SIPA1L1: variants seen among roughly 807,000 people sequenced by gnomAD.
SIPA1L1 encodes the protein signal-induced proliferation-associated 1-like protein 1.
SIPA1L1 carries 26 observed loss-of-function variants against 162.7 expected under a neutral mutation model. The ratio of observed to expected loss-of-function variants is 0.16; its 90% CI spans 0.12 to 0.22. The LOEUF is 0.22. Among genes scored for constraint, SIPA1L1 ranks in the 10% least tolerant of loss-of-function variants. The pLI, the probability that SIPA1L1 is intolerant of heterozygous loss-of-function variation, is 1.00. For synonymous variants in SIPA1L1, 829 were observed against 837.4 expected (o/e 0.99, Z 0.17); for missense variants, 1,874 against 2,241.0 (o/e 0.84, Z 3.31).
At position 71,357,052 on chromosome 14, in the gene SIPA1L1, T is replaced by A. The variant is rs182274825; in HGVS notation, c.-465+35871T>A. On this transcript the variant is annotated intron_variant, in intron 2 of 23. Coordinates refer to ENST00000381232, the MANE Select transcript of SIPA1L1 (RefSeq NM_001386936.1). Reference sequence around the variant, plus strand: ...ACAAATCATGACATTATTATAATTTTAAAAAAATTTTATGTGTTAGAGACA... The same window carrying A: ...ACAAATCATGACATTATTATAATTTAAAAAAAATTTTATGTGTTAGAGACA... 5.1e-3 allele frequency among the ~76,000 whole-genome samples: 774 copies of A among 152,218 alleles called. 5 individuals carry two copies. Among genetic ancestry groups the A allele is most frequent in the African/African-American group, 0.018 (740 of 41,536 alleles).
intron 17 of SIPA1L1, among the ~76,000 whole-genome samples, chr14:71,711,844 C>A (rs367561183): frequency 6.6e-6 from 1 of 152,210 alleles, no homozygotes; most frequent in African/African-American, 2.4e-5. Flanking sequence ...GTCAAACTTA[C>A]TAGAGAAGAG....
rs2052800897 is a variant in SIPA1L1 at position 71,525,743 on chromosome 14, G to A, written c.-361-3569G>A. Reference sequence around the variant, plus strand: ...CTTCATCAGTCTTTTAAGAGCCTTAGTAAGCTTTTAAATTGTCGTTATTTT... The same window carrying A: ...CTTCATCAGTCTTTTAAGAGCCTTAATAAGCTTTTAAATTGTCGTTATTTT... On this transcript the variant is annotated intron_variant, in intron 3 of 23. Coordinates refer to ENST00000381232, the MANE Select transcript of SIPA1L1 (RefSeq NM_001386936.1). 2.0e-5 allele frequency among the ~76,000 whole-genome samples: 3 copies of A among 152,312 alleles called. No homozygotes were observed. In the South Asian group the frequency reaches 6.2e-4, roughly 32 times the overall value.
chr14:71,689,819 TG>T (rs1205985578), intron 13 of SIPA1L1, among the ~76,000 whole-genome samples: 1 of 152,210 alleles, frequency 6.6e-6, no homozygotes, highest in Non-Finnish European at 1.5e-5. Flanking sequence ...CACGCAGTTA[TG>T]GCAGCTGCGT....
At chr14:71,397,321 T>A in intron 2 of SIPA1L1, among the ~76,000 whole-genome samples, 1 of 152,190 alleles carries the variant, frequency 6.6e-6, no homozygotes, top group African/African-American at 2.4e-5. Context: ...TACATTCATT[T>A]CTTTCTTTAT....
intron 5 of SIPA1L1, among the ~76,000 whole-genome samples, chr14:71,597,113 G>GC (rs1215214862): frequency 6.6e-6 from 1 of 151,816 alleles, no homozygotes; most frequent in Non-Finnish European, 1.5e-5. Flanking sequence ...GGGATCACAA[G>GC]CGTGCATCAT....
At chr14:71,701,294 A>C (rs915783808) in intron 14 of SIPA1L1, among the ~76,000 whole-genome samples, 3 of 151,912 alleles carry the variant, frequency 2.0e-5, no homozygotes, top group Non-Finnish European at 4.4e-5. Flanking sequence ...ACACCCCACA[A>C]GCATCAGTTC....
intron 4 of SIPA1L1, chr14:71,573,685 G>A (rs1277658473): frequency 8.8e-6 from 4 of 456,700 alleles, no homozygotes; most frequent in South Asian, 6.2e-5. Flanking sequence ...TCAACAACAT[G>A]AATATTTTCT....
At chr14:71,628,114 C>T (rs562357474) in intron 7 of SIPA1L1, among the ~76,000 whole-genome samples, 19 of 151,846 alleles carry the variant, frequency 1.3e-4, no homozygotes, top group Non-Finnish European at 2.4e-4. Flanking sequence ...ATGAGACCCC[C>T]GTCTCTAAAA....
intron 22 of SIPA1L1, among the ~76,000 whole-genome samples, chr14:71,737,067 C>T (rs1361570652): frequency 6.6e-6 from 1 of 152,136 alleles, no homozygotes; most frequent in African/African-American, 2.4e-5. Context: ...TGACCATGTC[C>T]CTTCTCAAAC....
rs555400622 is a variant in SIPA1L1, at chr14:71,356,787, A to T, written c.-465+35606A>T. 5.6e-4 allele frequency among the ~76,000 whole-genome samples: 85 copies of T among 152,040 alleles called. 1 individual carries two copies. Among genetic ancestry groups the T allele is most frequent in the African/African-American group, 2.0e-3 (83 of 41,486 alleles). The stretch of plus-strand genomic sequence containing the variant: ...GAATATTTTATGGTTGTGTTACTTT[A>T]AAATTCTATTTAAGCTAGCAGGGGT... On this transcript the variant is annotated intron_variant, in intron 2 of 23. Transcript: ENST00000381232.
intron 2 of SIPA1L1, among the ~76,000 whole-genome samples, chr14:71,471,204 C>A (rs1022784075): frequency 1.3e-5 from 2 of 152,058 alleles, no homozygotes; most frequent in Non-Finnish European, 2.9e-5. Context: ...GGTGCATTGG[C>A]TCATGCCTGT....
At chr14:71,690,507 CA>C (rs1260042200) in intron 13 of SIPA1L1, among the ~76,000 whole-genome samples, 2 of 152,136 alleles carry the variant, frequency 1.3e-5, no homozygotes, top group Non-Finnish European at 2.9e-5. Context: ...CTCAGCCTCC[CA>C]AAGTGCTGGG....
At position 71,335,127 on chromosome 14, in the gene SIPA1L1, C is replaced by T. The variant is rs1186517130; in HGVS notation, c.-465+13946C>T. Among the ~76,000 whole-genome samples the T allele has an allele frequency of 3.9e-5, 6 of 152,112 alleles. No homozygotes were observed. In the South Asian group the frequency reaches 6.2e-4, roughly 16 times the overall value. On this transcript the variant is annotated intron_variant, in intron 2 of 23. Coordinates refer to ENST00000381232, the MANE Select transcript of SIPA1L1 (RefSeq NM_001386936.1). ...CATCCTGGCTAGCACGGAGAAACCC[C>T]GTCTCTACCAAAAATACAAAAAATT...
intron 2 of SIPA1L1, among the ~76,000 whole-genome samples, chr14:71,325,185 A>C (rs904446783): frequency 1.3e-5 from 2 of 152,142 alleles, no homozygotes; most frequent in Non-Finnish European, 2.9e-5. Context: ...TATCTGCTGC[A>C]CTTCTACTTT....
At chr14:71,604,735 G>T (rs973826922) in intron 5 of SIPA1L1, among the ~76,000 whole-genome samples, 1 of 151,342 alleles carries the variant, frequency 6.6e-6, no homozygotes, top group Non-Finnish European at 1.5e-5. Context: ...TTCTCTACTG[G>T]CTTATAAGTT....
chr14:71,543,578 T>A (rs1046416416), intron 4 of SIPA1L1, among the ~76,000 whole-genome samples: 13 of 152,186 alleles, frequency 8.5e-5, no homozygotes, highest in Admixed American at 5.9e-4. Context: ...AAATGAACTT[T>A]TAGCTCTTCT....
chr14:71,443,133 G>A (rs887694200), intron 2 of SIPA1L1, among the ~76,000 whole-genome samples: 3 of 152,164 alleles, frequency 2.0e-5, no homozygotes, highest in African/African-American at 7.2e-5. Flanking sequence ...TGTGCTTACA[G>A]TGCCTGTGTT....
At chr14:71,686,180 G>A (rs996364491) in intron 13 of SIPA1L1, among the ~76,000 whole-genome samples, 1 of 152,226 alleles carries the variant, frequency 6.6e-6, no homozygotes, top group Non-Finnish European at 1.5e-5. Context: ...AAAACACTTA[G>A]TCCTGAGTAA....
At chr14:71,544,118 T>G (rs967012821) in intron 4 of SIPA1L1, among the ~76,000 whole-genome samples, 2 of 150,260 alleles carry the variant, frequency 1.3e-5, no homozygotes, top group Non-Finnish European at 3.0e-5. Flanking sequence ...TATATACACA[T>G]ATATGCACGT....
Sources: gnomAD v4.1 joint callset for allele counts (sites outside exome capture counted in the v4.1 genomes callset) on GRCh38, gnomAD v4.1.1 for gene constraint, MANE v1.5 for transcripts, NCBI Gene and HGNC (gene_info 2026-07-23, HGNC 2026-07-21) for gene names.